The following ASB5 variants were observed in gnomAD, a reference collection of about 807,000 sequenced individuals.
ASB5 encodes ankyrin repeat and SOCS box containing 5.
In ASB5, 45 loss-of-function variants were observed where a neutral mutation model predicts 42.1. The ratio of observed to expected loss-of-function variants is 1.07; its 90% CI spans 0.84 to 1.37. The LOEUF is 1.37. ASB5 is among the 40% of genes most tolerant of loss of function. The pLI is 0.00. For missense variants in ASB5, 402 were observed against 399.8 expected (o/e 1.01, Z -0.05); for synonymous variants, 147 against 150.6 (o/e 0.98, Z 0.18).
chr4:176,217,755 G>A (rs943222616), intron 5 of ASB5, among the ~76,000 whole-genome samples: 1 of 152,018 alleles, frequency 6.6e-6, no homozygotes, highest in African/African-American at 2.4e-5. Flanking sequence ...AATAAATGCT[G>A]TTTAGTACTG....
chr4:176,219,579 T>TATAAATATATATATATATATAA (rs1283236286), intron 5 of ASB5, among the ~76,000 whole-genome samples: 1 of 15,620 alleles, frequency 6.4e-5, no homozygotes, highest in African/African-American at 4.8e-4. Flanking sequence ...TTGTATGATA[T>TATAAATATATATATATATATAA]ATATATATAT....
chr4:176,227,918 TC>T (rs1165727919), intron 1 of ASB5, among the ~76,000 whole-genome samples: 1 of 152,116 alleles, frequency 6.6e-6, no homozygotes, highest in Non-Finnish European at 1.5e-5. Context: ...TAACACCCCC[TC>T]CAAAATAAAA....
intron 2 of ASB5, among the ~76,000 whole-genome samples, chr4:176,275,536 C>G (rs78183221): frequency 6.6e-6 from 1 of 152,178 alleles, no homozygotes; most frequent in Non-Finnish European, 1.5e-5. Context: ...GTTCACCTTT[C>G]TCCAGCAGTT....
intron 1 of ASB5, among the ~76,000 whole-genome samples, chr4:176,257,871 G>T (rs1754185269): frequency 6.6e-6 from 1 of 152,136 alleles, no homozygotes; most frequent in Non-Finnish European, 1.5e-5. Flanking sequence ...GCTCTTTAGA[G>T]CTTCAGTGAA....
chr4:176,246,951 G>A (rs962409062), intron 1 of ASB5, among the ~76,000 whole-genome samples: 1 of 152,012 alleles, frequency 6.6e-6, no homozygotes, highest in Non-Finnish European at 1.5e-5. Flanking sequence ...AATCCCTATA[G>A]AACCCATAGA....
At position 176,213,842 on chromosome 4, in the gene ASB5, T is replaced by C. The variant is rs1303031083; in HGVS notation, c.*1758A>G. The C allele has an allele frequency of 2.0e-5, 3 of 152,114 alleles. No homozygotes were observed. The highest frequency in any genetic ancestry group is 7.2e-5 in the African/African-American group (3 of 41,456). The allele number at this position is 152,114 out of a possible 1,614,324, so 9.4% of individuals were successfully genotyped here. A position where few individuals can be genotyped will look rare whatever the true frequency, so the allele number is the denominator to read the frequency against. ...AATGTTTGATATTTACTTCTCTTAT[T>C]GGCACAAGACTAATAAGATAGATGG... On this transcript the variant is annotated 3_prime_UTR_variant, in exon 7 of 7. Coordinates refer to ENST00000296525, the MANE Select transcript of ASB5 (RefSeq NM_080874.4).
chr4:176,225,451 T>C, intron 1 of ASB5, 110 bp from the exon 2 acceptor site: 1 of 909,102 alleles, frequency 1.1e-6, no homozygotes, highest in Non-Finnish European at 1.7e-6. Flanking sequence ...ACACTCAGTG[T>C]TCAACAGGGT....
chr4:176,261,343 TC>T (rs1754264834), intron 1 of ASB5, among the ~76,000 whole-genome samples: 1 of 152,230 alleles, frequency 6.6e-6, no homozygotes. Flanking sequence ...GGTAATTATT[TC>T]CGTCATTAGC....
At chr4:176,254,598 A>G (rs528295740) in intron 1 of ASB5, among the ~76,000 whole-genome samples, 52 of 152,234 alleles carry the variant, frequency 3.4e-4, no homozygotes, top group African/African-American at 1.3e-3. Context: ...AGAAACTATT[A>G]ACGGAGTAAA....
chr4:176,237,654 A>G (rs896023302), intron 1 of ASB5: 1 of 864,914 alleles, frequency 1.2e-6, no homozygotes, highest in Non-Finnish European at 1.4e-6. Context: ...AGCATTTTCT[A>G]TTTTTAAAGC....
Position 176,215,586 on chromosome 4 carries a change from ATTACT to A in ASB5, c.*9_*13del. On this transcript the variant is annotated 3_prime_UTR_variant, in exon 7 of 7. Transcript: ENST00000296525. ...AATTTTGATTTTCAAGGTATTTAGA[ATTACT>A]TTACTGTTTTATCGATACTGTAAGA... 2 of 1,604,814 alleles carry A rather than the reference ATTACT, an allele frequency of 1.2e-6. No homozygotes were observed. The highest frequency in any genetic ancestry group is 1.7e-6 in the Non-Finnish European group (2 of 1,176,096).
intron 1 of ASB5, among the ~76,000 whole-genome samples, chr4:176,253,954 A>G (rs1754097084): frequency 6.6e-6 from 1 of 152,238 alleles, no homozygotes; most frequent in Non-Finnish European, 1.5e-5. Flanking sequence ...GATTTGAAAA[A>G]TCAGTATCGT....
At chr4:176,260,604 T>A (rs145877861) in intron 1 of ASB5, among the ~76,000 whole-genome samples, 113 of 152,360 alleles carry the variant, frequency 7.4e-4, no homozygotes, top group Middle Eastern at 6.8e-3. Context: ...GAGGGAAGGC[T>A]GGAAAGAATA....
chr4:176,246,678 T>C (rs1250807805), intron 1 of ASB5, among the ~76,000 whole-genome samples: 1 of 152,256 alleles, frequency 6.6e-6, no homozygotes, highest in Non-Finnish European at 1.5e-5. Context: ...CAAAGTGAGA[T>C]ACTTCCTTAA....
At chr4:176,222,608 A>G (rs972156879) in intron 2 of ASB5, among the ~76,000 whole-genome samples, 188 bp from the exon 3 acceptor site, 1 of 152,182 alleles carries the variant, frequency 6.6e-6, no homozygotes, top group African/African-American at 2.4e-5. Flanking sequence ...CCTTAGCCCT[A>G]TTATTGTGGC....
chr4:176,259,202 G>T (rs1418891161), intron 1 of ASB5, among the ~76,000 whole-genome samples: 1 of 152,040 alleles, frequency 6.6e-6, no homozygotes, highest in Non-Finnish European at 1.5e-5. Flanking sequence ...ACAGATCTGC[G>T]ACCTGTGTAT....
chr4:176,241,182 T>C (rs943333893), intron 1 of ASB5, among the ~76,000 whole-genome samples: 6 of 152,208 alleles, frequency 3.9e-5, no homozygotes, highest in Admixed American at 3.9e-4. Flanking sequence ...ACTATAATAT[T>C]AACAAACACA....
intron 2 of ASB5, among the ~76,000 whole-genome samples, chr4:176,274,494 T>G (rs1158295370): frequency 6.6e-6 from 1 of 152,172 alleles, no homozygotes; most frequent in African/African-American, 2.4e-5. Flanking sequence ...TTGCACAAGA[T>G]TATACATCTT....
intron 1 of ASB5, among the ~76,000 whole-genome samples, chr4:176,265,978 T>A (rs1462904199): frequency 6.6e-6 from 1 of 152,138 alleles, no homozygotes; most frequent in Admixed American, 6.5e-5. Context: ...TTGTAAAGTT[T>A]AATGAAATAG....
Sources: gnomAD v4.1 joint callset for allele counts (sites outside exome capture counted in the v4.1 genomes callset) on GRCh38, gnomAD v4.1.1 for gene constraint, MANE v1.5 for transcripts, NCBI Gene and HGNC (gene_info 2026-07-23, HGNC 2026-07-21) for gene names.